The following COL21A1 variants were observed in gnomAD, a reference collection of about 807,000 sequenced individuals.
COL21A1 encodes the protein collagen type XXI alpha 1 chain, also known as collagen alpha-1(XXI) chain.
Under a neutral mutation model 137.9 loss-of-function variants are expected in COL21A1, and 149 were observed. The ratio of observed to expected loss-of-function variants is 1.08; its 90% CI spans 0.95 to 1.24. COL21A1 has a LOEUF of 1.24. COL21A1 is among the 50% of genes most tolerant of loss of function. The pLI is 0.00. For missense variants in COL21A1, 1,167 were observed against 1,158.4 expected (o/e 1.01, Z -0.11); for synonymous variants, 456 against 391.5 (o/e 1.16, Z -1.95).
intron 1 of COL21A1, among the ~76,000 whole-genome samples, chr6:56,237,013 C>G (rs1781948068): frequency 6.6e-6 from 1 of 151,988 alleles, no homozygotes; most frequent in African/African-American, 2.4e-5. Context: ...GTTATAAAAA[C>G]TGAAATCCAT....
intron 1 of COL21A1, among the ~76,000 whole-genome samples, chr6:56,198,809 A>C (rs528126008): frequency 2.0e-5 from 3 of 152,132 alleles, no homozygotes; most frequent in Non-Finnish European, 2.9e-5. Context: ...AAGCTTTAGA[A>C]TATGTATGCT....
rs530853547 is a variant in COL21A1 at position 56,353,769 on chromosome 6, G to T, written c.-39+40202C>A. ...AAAAGACAAAGACCAAAATCATCAG[G>T]AAAAACAAAAACAAAAAGGACAAAC... On this transcript the variant is annotated intron_variant, in intron 1 of 28. Coordinates refer to the COL21A1 transcript ENST00000370819. Among the ~76,000 whole-genome samples the T allele has an allele frequency of 5.3e-5, 8 of 151,710 alleles. No individual in the cohort carries two copies. The South Asian group carries it at 1.7e-3, about 32-fold the overall frequency.
chr6:56,184,304 C>G (rs1359254237), intron 1 of COL21A1, among the ~76,000 whole-genome samples: 1 of 151,926 alleles, frequency 6.6e-6, no homozygotes, highest in Non-Finnish European at 1.5e-5. Flanking sequence ...TGATACATTA[C>G]CTACAGAGGG....
chr6:56,263,739 C>T (rs1197461969), intron 1 of COL21A1, among the ~76,000 whole-genome samples: 1 of 152,194 alleles, frequency 6.6e-6, no homozygotes, highest in Non-Finnish European at 1.5e-5. Context: ...ACCCAAGACT[C>T]TATGGCTTAA....
chr6:56,192,567 C>G (rs1003171105), intron 1 of COL21A1, among the ~76,000 whole-genome samples: 5 of 151,926 alleles, frequency 3.3e-5, no homozygotes, highest in Non-Finnish European at 5.9e-5. Flanking sequence ...ATTTATGCAG[C>G]CAACAAGCAT....
At chr6:56,321,089 C>T (rs2152341335) in intron 1 of COL21A1, among the ~76,000 whole-genome samples, 1 of 152,264 alleles carries the variant, frequency 6.6e-6, no homozygotes, top group Non-Finnish European at 1.5e-5. Flanking sequence ...TACAGAACTG[C>T]TAGAAATTGC....
chr6:56,332,476 A>T (rs55803538), intron 1 of COL21A1, among the ~76,000 whole-genome samples: 103,240 of 149,752 alleles, frequency 0.69, 35,859 homozygotes, highest in East Asian at 0.91. Flanking sequence ...TGGGTAAAAC[A>T]TTTTTTTTTT....
At chr6:56,237,137 A>C (rs200140405) in intron 1 of COL21A1, among the ~76,000 whole-genome samples, 2 of 63,698 alleles carry the variant, frequency 3.1e-5, no homozygotes, top group Admixed American at 2.6e-4. Context: ...AAAATTCGAA[A>C]GGAAAAAAAG....
intron 16 of COL21A1, among the ~76,000 whole-genome samples, chr6:56,115,250 T>C (rs2152196204): frequency 6.7e-6 from 1 of 149,796 alleles, no homozygotes; most frequent in East Asian, 2.0e-4. Context: ...CATATGTAAC[T>C]AACCTGCACA....
chr6:56,374,432 A>C (rs999693240), intron 1 of COL21A1, among the ~76,000 whole-genome samples: 2 of 152,218 alleles, frequency 1.3e-5, no homozygotes, highest in Admixed American at 6.5e-5. Context: ...AAATATGATA[A>C]GTAAAAGGGA....
intron 1 of COL21A1, among the ~76,000 whole-genome samples, chr6:56,228,647 G>A (rs1352770047): frequency 6.6e-6 from 1 of 151,374 alleles, no homozygotes; most frequent in Non-Finnish European, 1.5e-5. Flanking sequence ...CTTGACAGGT[G>A]AATATATAGA....
At chr6:56,059,938 A>T in intron 28 of COL21A1, 80 bp downstream of exon 28, 1 of 959,664 alleles carries the variant, frequency 1.0e-6, no homozygotes, top group Non-Finnish European at 1.5e-6. Flanking sequence ...AGTTAACTCG[A>T]CTATTAAATG....
chr6:56,129,283 T>C (rs1052252400), intron 12 of COL21A1, among the ~76,000 whole-genome samples: 1 of 152,048 alleles, frequency 6.6e-6, no homozygotes, highest in Non-Finnish European at 1.5e-5. Context: ...GCCTCTGTTA[T>C]ATAAATCAGA....
At chr6:56,211,179 A>ATATATG (rs1780143412) in intron 1 of COL21A1, among the ~76,000 whole-genome samples, 2 of 11,768 alleles carry the variant, frequency 1.7e-4, no homozygotes, top group Admixed American at 5.9e-4. Context: ...GTATATATAC[A>ATATATG]TATATATGTA....
intron 17 of COL21A1, among the ~76,000 whole-genome samples, chr6:56,090,584 T>C (rs1432602696): frequency 3.3e-5 from 5 of 152,160 alleles, no homozygotes; most frequent in Admixed American, 1.3e-4. Context: ...ATCCTACAGA[T>C]AAACTGAGCA....
chr6:56,224,428 A>T (rs1479951274), intron 1 of COL21A1, among the ~76,000 whole-genome samples: 2 of 152,038 alleles, frequency 1.3e-5, no homozygotes, highest in Non-Finnish European at 2.9e-5. Context: ...GAGGCTTACA[A>T]TTTTCTTTAG....
intron 16 of COL21A1, among the ~76,000 whole-genome samples, chr6:56,108,140 A>C (rs1771115379): frequency 6.6e-6 from 1 of 152,044 alleles, no homozygotes; most frequent in African/African-American, 2.4e-5. Context: ...ATCCCAAAGA[A>C]ATTAAAAGCA....
intron 12 of COL21A1, among the ~76,000 whole-genome samples, chr6:56,129,695 T>TGA (rs1561897503): frequency 2.0e-5 from 2 of 99,778 alleles, no homozygotes; most frequent in African/African-American, 3.8e-5. Flanking sequence ...TGTGTGTGTG[T>TGA]GTGTGAGAGA....
intron 17 of COL21A1, among the ~76,000 whole-genome samples, chr6:56,093,051 A>G (rs1160339388): frequency 1.3e-5 from 2 of 152,148 alleles, no homozygotes; most frequent in African/African-American, 4.8e-5. Flanking sequence ...TCTCTCTTAC[A>G]AGGACACTAG....
Sources: gnomAD v4.1 joint callset for allele counts (sites outside exome capture counted in the v4.1 genomes callset) on GRCh38, gnomAD v4.1.1 for gene constraint, MANE v1.5 for transcripts, NCBI Gene and HGNC (gene_info 2026-07-23, HGNC 2026-07-21) for gene names.